Variants in ABCC4 observed in about 807,000 individuals in gnomAD.
The protein encoded by ABCC4 is ATP binding cassette subfamily C member 4 (PEL blood group).
In ABCC4, 102 loss-of-function variants were observed where a neutral mutation model predicts 168.5. The observed-to-expected ratio is 0.61, with a 90% CI of 0.52 to 0.71. The LOEUF is 0.71. Ranked by LOEUF, ABCC4 falls within the 30% of genes least tolerant of loss-of-function variation. ABCC4 has a pLI of 0.00. For synonymous variants in ABCC4, 617 were observed against 590.7 expected (o/e 1.04, Z -0.65); for missense variants, 1,402 against 1,605.8 (o/e 0.87, Z 2.17).
At chr13:95,056,091 C>G (rs1015241851) in intron 26 of ABCC4, among the ~76,000 whole-genome samples, 2 of 152,144 alleles carry the variant, frequency 1.3e-5, no homozygotes, top group African/African-American at 4.8e-5. Context: ...CCTTCAGACA[C>G]TTAAAACGAC....
At chr13:95,219,859 C>CT (rs11431283) in intron 4 of ABCC4, among the ~76,000 whole-genome samples, 90,487 of 148,320 alleles carry the variant, frequency 0.61, 27,903 homozygotes, top group Non-Finnish European at 0.66. Flanking sequence ...CTTCTTTCTG[C>CT]TTTTTTTTTC....
intron 3 of ABCC4, among the ~76,000 whole-genome samples, chr13:95,236,340 C>T (rs1452923361): frequency 1.3e-5 from 2 of 151,510 alleles, no homozygotes; most frequent in Non-Finnish European, 2.9e-5. Flanking sequence ...CCTTGAAAAA[C>T]AACTTTTCCT....
intron 3 of ABCC4, among the ~76,000 whole-genome samples, chr13:95,244,899 AC>A (rs1179672616): frequency 9.5e-6 from 1 of 105,538 alleles, no homozygotes; most frequent in Non-Finnish European, 1.9e-5. Context: ...CCCAATAACC[AC>A]CCCGCTAAAA....
At position 95,045,648 on chromosome 13, in the gene ABCC4, T is replaced by G. The variant is rs577317431; in HGVS notation, c.3457-1210A>C. Among the ~76,000 whole-genome samples the G allele has an allele frequency of 2.0e-5, 3 of 152,310 alleles. No individual in the cohort carries two copies. The South Asian group carries it at 6.2e-4, about 32-fold the overall frequency. On this transcript the variant is annotated intron_variant, in intron 27 of 30. Transcript: ENST00000645237. Reference sequence around the variant, plus strand: ...GATCTGATACTACATTGGGTGGTGGTTCAGTTCACTGATGTTTGTTTTGGA... The same window carrying G: ...GATCTGATACTACATTGGGTGGTGGGTCAGTTCACTGATGTTTGTTTTGGA...
intron 8 of ABCC4, among the ~76,000 whole-genome samples, chr13:95,201,725 C>G (rs752757628): frequency 6.6e-6 from 1 of 152,116 alleles, no homozygotes; most frequent in Non-Finnish European, 1.5e-5. Flanking sequence ...GTAATCCCAG[C>G]ACTTTGGGAT....
chr13:95,102,087 A>T (rs943427311), intron 20 of ABCC4, among the ~76,000 whole-genome samples: 4 of 152,136 alleles, frequency 2.6e-5, no homozygotes, highest in African/African-American at 7.2e-5. Flanking sequence ...CAAACTTAAG[A>T]AGGATGATTC....
chr13:95,160,562 C>CT (rs774944964), intron 19 of ABCC4, among the ~76,000 whole-genome samples: 9 of 152,168 alleles, frequency 5.9e-5, no homozygotes, highest in Non-Finnish European at 1.3e-4. Flanking sequence ...AACAAAGTCT[C>CT]TATTATAGAA....
intron 20 of ABCC4, among the ~76,000 whole-genome samples, chr13:95,090,757 G>T (rs1566408370): frequency 6.6e-6 from 1 of 152,082 alleles, no homozygotes; most frequent in Non-Finnish European, 1.5e-5. Context: ...TAGTTCACCA[G>T]CAATGGATCC....
At chr13:95,213,040 T>A (rs1386820251) in intron 4 of ABCC4, among the ~76,000 whole-genome samples, 1 of 151,276 alleles carries the variant, frequency 6.6e-6, no homozygotes, top group African/African-American at 2.4e-5. Flanking sequence ...GGCAGGAGAA[T>A]CACTTGAACC....
chr13:95,178,223 C>G, intron 11 of ABCC4, 132 bp from the exon 12 acceptor site: 1 of 751,122 alleles, frequency 1.3e-6, no homozygotes, highest in South Asian at 1.7e-5. Flanking sequence ...ATTTGATCAA[C>G]AGCAATGGAA....
chr13:95,031,590 T>C (rs1566357663), intron 30 of ABCC4, among the ~76,000 whole-genome samples: 1 of 152,172 alleles, frequency 6.6e-6, no homozygotes, highest in South Asian at 2.1e-4. Context: ...TAAAGAACTA[T>C]ACGAACGTAA....
intron 13 of ABCC4, among the ~76,000 whole-genome samples, chr13:95,172,941 G>A (rs1044659063): frequency 2.6e-5 from 4 of 152,160 alleles, no homozygotes; most frequent in African/African-American, 9.7e-5. Context: ...GGGATGGAGG[G>A]AGGGAGAGAG....
chr13:95,166,395 A>G, intron 14 of ABCC4, 28 bp from the exon 15 acceptor site: 1 of 1,567,426 alleles, frequency 6.4e-7, no homozygotes, highest in Non-Finnish European at 8.8e-7. Context: ...AATTTCAGAG[A>G]GATACATGTG....
At chr13:95,290,096 CA>C (rs886081257) in intron 1 of ABCC4, among the ~76,000 whole-genome samples, 2 of 103,374 alleles carry the variant, frequency 1.9e-5, no homozygotes, top group Admixed American at 1.1e-4. Flanking sequence ...AACTCTGTCT[CA>C]AAAAAAATAG....
At chr13:95,284,809 C>A (rs1444016237) in intron 1 of ABCC4, among the ~76,000 whole-genome samples, 2 of 152,170 alleles carry the variant, frequency 1.3e-5, no homozygotes, top group Non-Finnish European at 2.9e-5. Context: ...TAGGCTCTGC[C>A]ACTCAAAGGC....
At position 95,234,845 on chromosome 13, in the gene ABCC4, A is replaced by G. The variant is rs1485553826; in HGVS notation, c.307-11T>C. 1 of 1,518,074 alleles carries G rather than the reference A, an allele frequency of 6.6e-7. No homozygotes were observed. Among genetic ancestry groups the G allele is most frequent in the Non-Finnish European group, 8.9e-7 (1 of 1,126,274 alleles). The allele number at this position is 1,518,074 out of a possible 1,614,324, so 94.0% of individuals were successfully genotyped here. ...TACTTTGGCACTTTCCTAAAAGAAG[A>G]AAAAGAAAAGCCTTTAATTAGACAT... On this transcript the variant is annotated splice_polypyrimidine_tract_variant and intron_variant, in intron 3 of 30. Transcript: ENST00000645237.
chr13:95,158,240 G>C (rs568582852), intron 19 of ABCC4, among the ~76,000 whole-genome samples: 1 of 152,256 alleles, frequency 6.6e-6, no homozygotes, highest in South Asian at 2.1e-4. Context: ...ACCAGCAAGG[G>C]TCGCCCATTC....
intron 4 of ABCC4, among the ~76,000 whole-genome samples, chr13:95,222,560 A>C (rs1295203224): frequency 6.6e-6 from 1 of 152,224 alleles, no homozygotes; most frequent in African/African-American, 2.4e-5. Context: ...TCCTTGGCTG[A>C]TGCGCGGGCA....
chr13:95,268,169 CAG>C (rs1246223338), intron 1 of ABCC4, among the ~76,000 whole-genome samples: 6 of 152,194 alleles, frequency 3.9e-5, no homozygotes, highest in African/African-American at 1.4e-4. Context: ...CCTGTGCTCG[CAG>C]AGACATGTGC....
Sources: allele counts gnomAD v4.1 joint callset (sites outside exome capture counted in the v4.1 genomes callset), GRCh38; gene constraint gnomAD v4.1.1; transcripts MANE v1.5; gene names NCBI Gene and HGNC (gene_info 2026-07-23, HGNC 2026-07-21).